Variants in CDC40 observed in about 807,000 individuals in gnomAD.
The protein encoded by CDC40 is cell division cycle 40.
CDC40 carries 27 observed loss-of-function variants against 80.6 expected under a neutral mutation model. The observed-to-expected ratio is 0.33, with a 90% CI of 0.25 to 0.46. The LOEUF is 0.46. Among genes scored for constraint, CDC40 ranks in the 20% least tolerant of loss-of-function variants. CDC40 has a pLI of 1.00. For synonymous variants in CDC40, 221 were observed against 232.6 expected, an observed-to-expected ratio of 0.95 and a Z score of 0.45; for missense variants, 486 against 694.1, an observed-to-expected ratio of 0.70 and a Z score of 3.37.
intron 13 of CDC40, among the ~76,000 whole-genome samples, chr6:110,227,181 G>A (rs983417279): frequency 2.6e-5 from 4 of 152,090 alleles, no homozygotes; most frequent in African/African-American, 4.8e-5. Flanking sequence ...TGTCTTTTAC[G>A]TACAAGATAA....
intron 3 of CDC40, among the ~76,000 whole-genome samples, chr6:110,202,685 T>C (rs1777508611): frequency 1.5e-5 from 2 of 133,578 alleles, no homozygotes; most frequent in African/African-American, 3.1e-5. Flanking sequence ...TTGTGTTTTT[T>C]TGTTTGTTTG....
chr6:110,206,230 C>G (rs530315487), intron 3 of CDC40, among the ~76,000 whole-genome samples: 1 of 152,100 alleles, frequency 6.6e-6, no homozygotes, highest in South Asian at 2.1e-4. Context: ...CTACACCTCC[C>G]CGGTTCACAC....
chr6:110,220,496 C>CTGGAG (rs1201093597), intron 12 of CDC40, among the ~76,000 whole-genome samples: 2 of 131,194 alleles, frequency 1.5e-5, no homozygotes, highest in Admixed American at 9.3e-5. Context: ...GCCACCCAGG[C>CTGGAG]TGCAGTGGCG....
intron 1 of CDC40, among the ~76,000 whole-genome samples, chr6:110,190,799 G>T (rs906128991): frequency 3.9e-5 from 6 of 152,002 alleles, no homozygotes; most frequent in African/African-American, 1.5e-4. Flanking sequence ...AGCCTTGCTG[G>T]CCTTCTGGGA....
At chr6:110,219,680 T>A in intron 11 of CDC40, 56 bp from the exon 12 acceptor site, 1 of 1,563,848 alleles carries the variant, frequency 6.4e-7, no homozygotes, top group Non-Finnish European at 8.7e-7. Context: ...AGAATTATGG[T>A]CTTTCATAAA....
chr6:110,208,953 TG>T, intron 4 of CDC40, 130 bp from the exon 5 acceptor site: 1 of 639,782 alleles, frequency 1.6e-6, no homozygotes, highest in Non-Finnish European at 2.6e-6. Flanking sequence ...TTAATAACTC[TG>T]GGGTCACTTG....
intron 12 of CDC40, among the ~76,000 whole-genome samples, chr6:110,220,211 A>G (rs1466140484): frequency 6.6e-6 from 1 of 152,168 alleles, no homozygotes; most frequent in Non-Finnish European, 1.5e-5. Context: ...GGGACTGAGC[A>G]TAAGATCATG....
chr6:110,217,015 G>A (rs1777709653), intron 9 of CDC40, among the ~76,000 whole-genome samples: 1 of 152,174 alleles, frequency 6.6e-6, no homozygotes, highest in African/African-American at 2.4e-5. Context: ...GCTGAGGTGG[G>A]TGGATCGCTT....
In CDC40 at chr6:110,180,645, T is replaced by G; in HGVS notation, c.189+12T>G. Reference sequence around the variant, plus strand: ...AGGTGGCAGTTAAGGTAAGCACTTTTGCTACTAATGCAGTGTGGGAATTGT... The same window carrying G: ...AGGTGGCAGTTAAGGTAAGCACTTTGGCTACTAATGCAGTGTGGGAATTGT... On this transcript the variant is annotated intron_variant, in intron 1 of 14. Transcript: ENST00000307731. 6.3e-7 allele frequency: 1 copy of G among 1,595,836 alleles called. No homozygotes were observed. The highest frequency in any genetic ancestry group is 8.6e-7 in the Non-Finnish European group (1 of 1,164,026).
At chr6:110,227,650 G>A (rs551808674) in intron 13 of CDC40, among the ~76,000 whole-genome samples, 59 of 152,066 alleles carry the variant, frequency 3.9e-4, no homozygotes, top group African/African-American at 1.3e-3. Flanking sequence ...CAACCAGCAC[G>A]AATCCAGAAT....
intron 1 of CDC40, among the ~76,000 whole-genome samples, chr6:110,184,041 G>A (rs182381641): frequency 2.6e-5 from 4 of 152,054 alleles, no homozygotes; most frequent in Non-Finnish European, 4.4e-5. Flanking sequence ...TTTATGTATC[G>A]GGTTCCTGTT....
rs1236383571 is a variant in CDC40, at chr6:110,221,090, T to A, written c.1340+1221T>A. ...AATATTTTTCTAAAGTTAAGCAATA[T>A]ACTAGTTTCATTACATATCATAGTG... On this transcript the variant is annotated intron_variant, in intron 12 of 14. Transcript: ENST00000307731. Among the ~76,000 whole-genome samples, 4 of 152,348 alleles carry A rather than the reference T, an allele frequency of 2.6e-5. No homozygotes were observed. The East Asian group carries it at 7.7e-4, about 29-fold the overall frequency.
At chr6:110,210,441 C>T (rs1364519302) in intron 5 of CDC40, among the ~76,000 whole-genome samples, 1 of 150,680 alleles carries the variant, frequency 6.6e-6, no homozygotes, top group Non-Finnish European at 1.5e-5. Flanking sequence ...GTCCCAGCTA[C>T]TCGGGAGGCT....
At chr6:110,219,599 C>A in intron 11 of CDC40, 120 bp downstream of exon 11, 2 of 1,169,350 alleles carry the variant, frequency 1.7e-6, no homozygotes, top group Non-Finnish European at 2.5e-6. Context: ...ACGGCTAATG[C>A]ACCATTCTTA....
At chr6:110,184,056 G>A (rs1332018165) in intron 1 of CDC40, among the ~76,000 whole-genome samples, 1 of 152,088 alleles carries the variant, frequency 6.6e-6, no homozygotes, top group African/African-American at 2.4e-5. Context: ...CCTGTTGCTT[G>A]TTTGAGAAAT....
chr6:110,226,174 C>A lies in CDC40; in HGVS notation c.1348C>A (p.Pro450Thr), dbSNP rs1175222255. Reference protein sequence around the residue: ...KSLRVWEWDIPVDFKYIAEPS... With the variant: ...KSLRVWEWDITVDFKYIAEPS... ...GCTATTTAAAATTTTTAGGGATATCCCTGTGGATTTCAAGTACATAGCAGA... is the reference window on the plus strand; with the variant it reads ...GCTATTTAAAATTTTTAGGGATATCACTGTGGATTTCAAGTACATAGCAGA... Residue 450 changes from proline (P) to threonine (T), a missense_variant, in exon 13 of 15, where the codon CCT (proline) becomes ACT (threonine). By Grantham distance (38) the Pro-to-Thr change is conservative. Coordinates refer to ENST00000307731, the MANE Select transcript of CDC40 (RefSeq NM_015891.3). 1.9e-6 allele frequency: 3 copies of A among 1,598,606 alleles called. No individual in the cohort carries two copies. The highest frequency in any genetic ancestry group is 2.6e-6 in the Non-Finnish European group (3 of 1,168,182).
intron 6 of CDC40, 134 bp from the exon 7 acceptor site, chr6:110,211,999 C>A: frequency 1.5e-6 from 1 of 649,688 alleles, no homozygotes; most frequent in Non-Finnish European, 2.6e-6. Context: ...ATGATCTTGA[C>A]ATCATTGGAG....
At chr6:110,202,683 TTTTG>T (rs142809638) in intron 3 of CDC40, among the ~76,000 whole-genome samples, 9,625 of 152,188 alleles carry the variant, frequency 0.063, 373 homozygotes, top group African/African-American at 0.12. Flanking sequence ...GGTTGTGTTT[TTTTG>T]TTTGTTTGTT....
At chr6:110,210,946 C>A in intron 6 of CDC40, 143 bp downstream of exon 6, 1 of 351,352 alleles carries the variant, frequency 2.8e-6, no homozygotes, top group Non-Finnish European at 5.2e-6. Context: ...CAATTTGTAT[C>A]CCAAGGAAAT....
Sources: gnomAD v4.1 joint callset for allele counts (sites outside exome capture counted in the v4.1 genomes callset) on GRCh38, gnomAD v4.1.1 for gene constraint, MANE v1.5 for transcripts, NCBI Gene and HGNC (gene_info 2026-07-23, HGNC 2026-07-21) for gene names.